Variants in HS3ST2 observed in about 807,000 individuals in gnomAD.
HS3ST2 encodes heparan sulfate-glucosamine 3-sulfotransferase 2, also known as heparan sulfate glucosamine 3-O-sulfotransferase 2.
Under a neutral mutation model 26.3 loss-of-function variants are expected in HS3ST2, and 17 were observed. The observed-to-expected ratio is 0.65, with a 90% CI of 0.44 to 0.97. HS3ST2 has a LOEUF of 0.97. HS3ST2 is among the 50% of genes least tolerant of loss of function. The probability of loss-of-function intolerance (pLI) is 0.00; values close to 1 mark genes in which losing one functional copy is unlikely to be tolerated. For synonymous variants in HS3ST2, 237 were observed against 219.2 expected (o/e 1.08, Z -0.72); for missense variants, 402 against 501.2 (o/e 0.80, Z 1.89).
At chr16:22,859,847 G>A (rs549818669) in intron 1 of HS3ST2, among the ~76,000 whole-genome samples, 8 of 152,204 alleles carry the variant, frequency 5.3e-5, no homozygotes, top group East Asian at 1.9e-4. Flanking sequence ...GACCTGGTCC[G>A]AGGGGATTTC....
At chr16:22,840,830 A>ATAC (rs1281283466) in intron 1 of HS3ST2, among the ~76,000 whole-genome samples, 2 of 152,266 alleles carry the variant, frequency 1.3e-5, no homozygotes, top group East Asian at 3.9e-4. Flanking sequence ...AATTATTATT[A>ATAC]TACTTTAAGT....
intron 1 of HS3ST2, among the ~76,000 whole-genome samples, chr16:22,849,428 C>T (rs771670059): frequency 4.0e-5 from 6 of 151,788 alleles, no homozygotes; most frequent in African/African-American, 1.5e-4. Flanking sequence ...ATCTTTTTTG[C>T]GGGGGGGTAT....
rs76082336 is a variant in HS3ST2, at chr16:22,839,978, T to C, written c.485+24883T>C. Among the ~76,000 whole-genome samples the C allele has an allele frequency of 8.0e-3, 1,214 of 152,312 alleles. 17 individuals are homozygous for C. Among genetic ancestry groups the C allele is most frequent in the African/African-American group, 0.027 (1,104 of 41,564 alleles). On this transcript the variant is annotated intron_variant, in intron 1 of 1. Transcript: ENST00000261374. ...GGAAAATAATATAAACTCAAAGTTG[T>C]GCAAAATAAGACCAAAAGTAGCCTT... is the stretch of plus-strand genomic sequence containing the variant.
At chr16:22,821,085 G>A (rs1045688691) in intron 1 of HS3ST2, among the ~76,000 whole-genome samples, 2 of 151,948 alleles carry the variant, frequency 1.3e-5, no homozygotes, top group East Asian at 1.9e-4. Flanking sequence ...TGATTGGTCC[G>A]GGAGCTGGAT....
At chr16:22,839,517 AAGCTGCTGCAC>A (rs1339651773) in intron 1 of HS3ST2, among the ~76,000 whole-genome samples, 1 of 152,154 alleles carries the variant, frequency 6.6e-6, no homozygotes. Context: ...CTTGACTCAA[AAGCTGCTGCAC>A]AGGTAACTCT....
chr16:22,828,906 C>T (rs1365729465), intron 1 of HS3ST2, among the ~76,000 whole-genome samples: 1 of 152,196 alleles, frequency 6.6e-6, no homozygotes, highest in Non-Finnish European at 1.5e-5. Context: ...TCACTCATTT[C>T]ATGGAGAAGG....
Position 22,845,537 on chromosome 16 carries a change from G to A in HS3ST2, c.485+30442G>A, listed in dbSNP as rs556120744. Among the ~76,000 whole-genome samples the A allele has an allele frequency of 1.1e-3, 170 of 151,338 alleles. 1 individual carries two copies. The highest frequency in any genetic ancestry group is 2.1e-3 in the Non-Finnish European group (140 of 67,748). ...TGGCTAATTTTTTGTATTTTTAGTA[G>A]AGATGAGGTTTCACTATGTTGGCCA... On this transcript the variant is annotated intron_variant, in intron 1 of 1. Coordinates refer to ENST00000261374, the MANE Select transcript of HS3ST2 (RefSeq NM_006043.2).
chr16:22,840,159 A>G (rs1901331477), intron 1 of HS3ST2, among the ~76,000 whole-genome samples: 1 of 152,248 alleles, frequency 6.6e-6, no homozygotes, highest in South Asian at 2.1e-4. Flanking sequence ...TACAAAGGTA[A>G]GTAGAAGCAA....
At chr16:22,862,310 GC>G (rs1901689827) in intron 1 of HS3ST2, among the ~76,000 whole-genome samples, 1 of 139,176 alleles carries the variant, frequency 7.2e-6, no homozygotes, top group Non-Finnish European at 1.5e-5. Context: ...GGAATCAGAA[GC>G]AAAGGTTGCA....
intron 1 of HS3ST2, among the ~76,000 whole-genome samples, chr16:22,844,037 GCACACACA>G (rs746139543): frequency 5.3e-5 from 7 of 132,446 alleles, no homozygotes; most frequent in Admixed American, 5.1e-4. Context: ...ACACACACAC[GCACACACA>G]CACATATCAT....
intron 1 of HS3ST2, among the ~76,000 whole-genome samples, chr16:22,841,759 C>T (rs1209413654): frequency 6.6e-6 from 1 of 152,122 alleles, no homozygotes; most frequent in African/African-American, 2.4e-5. Flanking sequence ...TCATCTACTT[C>T]GTCTTATGAG....
At chr16:22,856,769 G>A (rs190257234) in intron 1 of HS3ST2, among the ~76,000 whole-genome samples, 7 of 152,206 alleles carry the variant, frequency 4.6e-5, no homozygotes, top group African/African-American at 1.7e-4. Context: ...TTTGCAATCA[G>A]GAGTCCAGGC....
chr16:22,896,758 G>GTCTTTTCTCTTTCTTTCTTTTGTTTTCTT (rs1902216626), intron 1 of HS3ST2, among the ~76,000 whole-genome samples: 1 of 151,918 alleles, frequency 6.6e-6, no homozygotes, highest in Non-Finnish European at 1.5e-5. Context: ...TCATCTTACT[G>GTCTTTTCTCTTTCTTTCTTTTGTTTTCTT]TCTTTTCTCT....
intron 1 of HS3ST2, among the ~76,000 whole-genome samples, chr16:22,902,264 G>C (rs1902290169): frequency 6.6e-6 from 1 of 152,194 alleles, no homozygotes; most frequent in Admixed American, 6.5e-5. Flanking sequence ...CTGTGGTTCT[G>C]ATAGAAATGT....
chr16:22,840,247 A>G, intron 1 of HS3ST2, among the ~76,000 whole-genome samples: 1 of 152,196 alleles, frequency 6.6e-6, no homozygotes, highest in East Asian at 1.9e-4. Flanking sequence ...TTTCTCCAAG[A>G]CTTCTTAAGA....
chr16:22,832,944 GC>G (rs1293361847), intron 1 of HS3ST2, among the ~76,000 whole-genome samples: 2 of 150,228 alleles, frequency 1.3e-5, no homozygotes, highest in African/African-American at 4.9e-5. Flanking sequence ...CCTTCCTGAT[GC>G]ATGCTGCCCA....
intron 1 of HS3ST2, among the ~76,000 whole-genome samples, chr16:22,849,363 TA>T (rs1901488314): frequency 6.6e-6 from 1 of 152,198 alleles, no homozygotes; most frequent in Non-Finnish European, 1.5e-5. Flanking sequence ...AACCTCTTAC[TA>T]AAATGTCTGC....
At chr16:22,862,527 G>A (rs1901694622) in intron 1 of HS3ST2, among the ~76,000 whole-genome samples, 1 of 152,122 alleles carries the variant, frequency 6.6e-6, no homozygotes, top group Non-Finnish European at 1.5e-5. Flanking sequence ...ACCCGCCCTG[G>A]ACTATTGGAT....
intron 1 of HS3ST2, among the ~76,000 whole-genome samples, chr16:22,912,445 C>G (rs1902435004): frequency 6.6e-6 from 1 of 152,142 alleles, no homozygotes; most frequent in Admixed American, 6.5e-5. Context: ...AATGAATGTT[C>G]TGGGGGTTGG....
Sources: allele counts gnomAD v4.1 joint callset (sites outside exome capture counted in the v4.1 genomes callset), GRCh38; gene constraint gnomAD v4.1.1; transcripts MANE v1.5; gene names NCBI Gene and HGNC (gene_info 2026-07-23, HGNC 2026-07-21).